Variants in POLB observed in about 807,000 individuals in gnomAD.
POLB encodes the protein 5'-dRP lyase.
In POLB, 37 loss-of-function variants were observed where a neutral mutation model predicts 52.7. The observed-to-expected ratio is 0.70, with a 90% CI of 0.54 to 0.92. The LOEUF (loss-of-function observed/expected upper bound fraction) is 0.92. POLB is among the 40% of genes least tolerant of loss of function. The pLI, the probability that POLB is intolerant of heterozygous loss-of-function variation, is 0.00. For missense variants in POLB, 313 were observed against 400.8 expected, an observed-to-expected ratio of 0.78 and a Z score of 1.87; for synonymous variants, 138 against 131.3, an observed-to-expected ratio of 1.05 and a Z score of -0.35.
intron 6 of POLB, chr8:42,354,494 A>G: frequency 7.9e-7 from 1 of 1,268,724 alleles, no homozygotes; most frequent in Non-Finnish European, 1.0e-6. Context: ...ATGGGATGTT[A>G]TGACAATTCT....
At chr8:42,357,574 G>A in intron 9 of POLB, 182 bp downstream of exon 9, 1 of 484,476 alleles carries the variant, frequency 2.1e-6, no homozygotes, top group Non-Finnish European at 3.6e-6. Context: ...AATTCATCCT[G>A]ATTTTATTAT....
At chr8:42,339,361 C>T in intron 2 of POLB, 1 of 422,842 alleles carries the variant, frequency 2.4e-6, no homozygotes, top group South Asian at 2.4e-5. Context: ...TAATGAAAGA[C>T]AGCGGATGAA....
In POLB at chr8:42,338,575, G is replaced by A. The variant is rs1470407808; in HGVS notation, c.-50G>A. Reference sequence around the variant, plus strand: ...GGTACCTCCTTCAAGCTGGGAGAGGGCTCTAGTCCCTGGTTCTGAACACTC... The same window carrying A: ...GGTACCTCCTTCAAGCTGGGAGAGGACTCTAGTCCCTGGTTCTGAACACTC... On this transcript the variant is annotated 5_prime_UTR_variant, in exon 1 of 14. Transcript: ENST00000265421. 3 of 1,531,176 alleles carry A rather than the reference G, an allele frequency of 2.0e-6. No homozygotes were observed. The highest frequency in any genetic ancestry group is 3.3e-5 in the Admixed American group (2 of 59,888). 94.8% of individuals were successfully genotyped at this position (1,531,176 alleles called of 1,614,324 possible).
intron 1 of POLB, 46 bp from the exon 2 acceptor site, chr8:42,338,966 G>A (rs1285126401): frequency 8.5e-6 from 13 of 1,526,844 alleles, no homozygotes; most frequent in Non-Finnish European, 1.1e-5. Flanking sequence ...GTTCTCGTTT[G>A]TTTACTCGTG....
intron 11 of POLB, 96 bp from the exon 12 acceptor site, chr8:42,369,174 TA>T (rs781250151): frequency 2.0e-5 from 14 of 689,706 alleles, no homozygotes; most frequent in Non-Finnish European, 3.1e-5. Context: ...CTAGAGCTGC[TA>T]ACATTAAAAA....
intron 13 of POLB, among the ~76,000 whole-genome samples, chr8:42,371,313 G>A (rs1824375896): frequency 6.6e-6 from 1 of 151,958 alleles, no homozygotes; most frequent in Admixed American, 6.6e-5. Flanking sequence ...AGTAGAGATG[G>A]GGTTTCTCCA....
At chr8:42,368,566 C>T (rs1013706547) in intron 11 of POLB, among the ~76,000 whole-genome samples, 1 of 152,054 alleles carries the variant, frequency 6.6e-6, no homozygotes, top group Non-Finnish European at 1.5e-5. Flanking sequence ...CTGACCAGTC[C>T]AGATTTTTTG....
At chr8:42,353,189 T>G (rs1823085327) in intron 6 of POLB, among the ~76,000 whole-genome samples, 1 of 150,294 alleles carries the variant, frequency 6.7e-6, no homozygotes, top group East Asian at 1.9e-4. Context: ...TTTTTTTTTT[T>G]GCTCTGCCTC....
chr8:42,341,228 A>G (rs1014337293), intron 2 of POLB, among the ~76,000 whole-genome samples: 2 of 152,202 alleles, frequency 1.3e-5, no homozygotes, highest in Admixed American at 6.5e-5. Context: ...CTTTACCTTG[A>G]TAAAACCCAA....
chr8:42,357,532 T>C, intron 9 of POLB, 140 bp downstream of exon 9: 1 of 540,994 alleles, frequency 1.8e-6, no homozygotes, highest in Non-Finnish European at 3.3e-6. Flanking sequence ...TTAAGGGTAT[T>C]TGTTTATAGA....
intron 7 of POLB, among the ~76,000 whole-genome samples, chr8:42,356,126 G>T (rs1445711265): frequency 6.6e-6 from 1 of 152,174 alleles, no homozygotes; most frequent in African/African-American, 2.4e-5. Context: ...CAGTTATAGT[G>T]CATAAGCACT....
intron 3 of POLB, among the ~76,000 whole-genome samples, chr8:42,347,983 G>A (rs558092580): frequency 2.5e-4 from 38 of 152,194 alleles, no homozygotes; most frequent in Non-Finnish European, 4.0e-4. Flanking sequence ...CAATTTTACT[G>A]ATACCAAAGT....
At chr8:42,361,965 T>G (rs1013473977) in intron 10 of POLB, among the ~76,000 whole-genome samples, 5 of 152,132 alleles carry the variant, frequency 3.3e-5, no homozygotes, top group African/African-American at 4.8e-5. Context: ...CTCAGAACAT[T>G]AGAAAACATA....
Position 42,341,800 on chromosome 8 carries a change from G to C in POLB, c.119+2731G>C, listed in dbSNP as rs544852960. The C allele has an allele frequency of 9.1e-5, 46 of 506,382 alleles. 3 individuals carry two copies. Among genetic ancestry groups the C allele is most frequent in the South Asian group, 8.0e-4 (44 of 55,034 alleles). The allele number at this position is 506,382 out of a possible 1,614,324, so 31.4% of individuals were successfully genotyped here. A position where few individuals can be genotyped will look rare whatever the true frequency, so the allele number is the denominator to read the frequency against. ...CTGCAGCCCCCTCCTGAGCCGTGGG[G>C]AAGCTTGCCTTCTTTTGAGCTATGC... On this transcript the variant is annotated intron_variant, in intron 2 of 13. Transcript: ENST00000265421.
At chr8:42,343,321 C>CAA (rs1157325948) in intron 2 of POLB, among the ~76,000 whole-genome samples, 30 of 2,818 alleles carry the variant, frequency 0.011, 2 homozygotes, top group Admixed American at 0.02. Context: ...GACTGCGTCT[C>CAA]AAAAAAAAAA....
intron 13 of POLB, chr8:42,370,259 GTTTTTTTTT>G (rs34271342): frequency 9.6e-5 from 28 of 290,568 alleles, no homozygotes; most frequent in Non-Finnish European, 1.4e-4. Flanking sequence ...ATCTAAAAGG[GTTTTTTTTT>G]TTTTTTTTTT....
At chr8:42,350,392 T>C (rs1160826814) in intron 5 of POLB, among the ~76,000 whole-genome samples, 1 of 152,178 alleles carries the variant, frequency 6.6e-6, no homozygotes, top group African/African-American at 2.4e-5. Context: ...TTTGTTTCTC[T>C]GAGCATGATA....
At chr8:42,344,630 C>G (rs888571709) in intron 2 of POLB, among the ~76,000 whole-genome samples, 2 of 151,326 alleles carry the variant, frequency 1.3e-5, no homozygotes, top group Non-Finnish European at 2.9e-5. Flanking sequence ...GTCAGGAGAT[C>G]GAGACCATCC....
chr8:42,343,809 C>CA (rs1049607898), intron 2 of POLB, among the ~76,000 whole-genome samples: 3 of 152,192 alleles, frequency 2.0e-5, no homozygotes, highest in South Asian at 4.2e-4. Flanking sequence ...CAGTTATTCT[C>CA]AAATGTGGAG....
Sources: gnomAD v4.1 joint callset for allele counts (sites outside exome capture counted in the v4.1 genomes callset) on GRCh38, gnomAD v4.1.1 for gene constraint, MANE v1.5 for transcripts, NCBI Gene and HGNC (gene_info 2026-07-23, HGNC 2026-07-21) for gene names.